Variants in RTL4 observed in about 807,000 individuals in gnomAD.
The protein encoded by RTL4 is retrotransposon Gag-like protein 4.
In RTL4, 4 loss-of-function variants were observed where a neutral mutation model predicts 5.3. That is an observed-to-expected ratio of 0.75 (90% CI 0.37 to 1.72). The LOEUF (loss-of-function observed/expected upper bound fraction) is 1.72, where lower values mean the gene tolerates loss of function less well. Ranked by LOEUF, RTL4 falls within the 40% of genes most tolerant of loss-of-function variation. RTL4 has a pLI of 0.04. For missense variants in RTL4, 260 were observed against 227.1 expected (o/e 1.14, Z -0.93); for synonymous variants, 98 against 87.3 (o/e 1.12, Z -0.68).
the RTL4 span, among the ~76,000 whole-genome samples, chrX:112,117,180 AATACACTATTTACCACATAATC>A: frequency 5.5e-5 from 6 of 108,788 alleles, no homozygotes; most frequent in African/African-American, 1.7e-4. Flanking sequence ...TTATATGGTA[AATACACTATTTACCACATAATC>A]GTTATATGGT....
the RTL4 span, among the ~76,000 whole-genome samples, chrX:112,352,488 C>G: frequency 8.4e-3 from 930 of 110,929 alleles, 10 homozygotes; most frequent in African/African-American, 0.026. Context: ...CAGAGATATA[C>G]ATCAATGGAA....
chrX:112,342,374 T>C, the RTL4 span, among the ~76,000 whole-genome samples: 1 of 111,645 alleles, frequency 9.0e-6, no homozygotes, highest in South Asian at 3.8e-4. Context: ...TCGTAGGCAC[T>C]GGAATTTTCA....
the RTL4 span, among the ~76,000 whole-genome samples, chrX:112,205,596 C>T: frequency 5.4e-5 from 6 of 110,137 alleles, no homozygotes; most frequent in South Asian, 1.9e-3. Flanking sequence ...CACAGATACA[C>T]GTGTGCATGT....
At chrX:112,380,150 A>AT in the RTL4 span, among the ~76,000 whole-genome samples, 10,086 of 100,015 alleles carry the variant, frequency 0.1, 483 homozygotes, top group Middle Eastern at 0.17. Context: ...ATGAAGATCA[A>AT]TTTTTTTTTT....
the RTL4 span, among the ~76,000 whole-genome samples, chrX:112,403,269 T>A: frequency 8.9e-6 from 1 of 112,103 alleles, no homozygotes; most frequent in Non-Finnish European, 1.9e-5. Flanking sequence ...ACAAAGCTGT[T>A]TGTTGTGCGT....
chrX:112,205,174 A>G, the RTL4 span, among the ~76,000 whole-genome samples: 1 of 110,440 alleles, frequency 9.1e-6, no homozygotes, highest in African/African-American at 3.4e-5. Context: ...CTGACATGAG[A>G]GGAAGAGGAT....
chrX:112,120,569 G>A, the RTL4 span, among the ~76,000 whole-genome samples: 2 of 101,803 alleles, frequency 2.0e-5, no homozygotes, highest in Non-Finnish European at 3.9e-5. Context: ...GAGCCACCAC[G>A]CCCGGCTGGG....
the RTL4 span, among the ~76,000 whole-genome samples, chrX:112,124,781 C>T: frequency 0.16 from 17,712 of 110,136 alleles, 2,158 homozygotes; most frequent in African/African-American, 0.42. Context: ...GTTCTGCGCA[C>T]GTATCCTGGA....
the RTL4 span, among the ~76,000 whole-genome samples, chrX:112,340,337 A>G: frequency 7.2e-5 from 8 of 111,389 alleles, no homozygotes; most frequent in African/African-American, 2.6e-4. Flanking sequence ...TAAGCAAACA[A>G]TGAACCCAGT....
the RTL4 span, among the ~76,000 whole-genome samples, chrX:112,293,535 A>T: frequency 8.9e-6 from 1 of 112,119 alleles, no homozygotes; most frequent in South Asian, 3.7e-4. Context: ...ATGGGGTAAC[A>T]GTTTTCCATG....
At chrX:112,226,325 CT>C in the RTL4 span, among the ~76,000 whole-genome samples, 1 of 112,183 alleles carries the variant, frequency 8.9e-6, no homozygotes, top group Non-Finnish European at 1.9e-5. Flanking sequence ...CAGCTACAAC[CT>C]GCTTTATGAA....
chrX:112,284,893 C>T, the RTL4 span, among the ~76,000 whole-genome samples: 2 of 111,688 alleles, frequency 1.8e-5, no homozygotes, highest in Non-Finnish European at 3.8e-5. Flanking sequence ...TAATCTGACA[C>T]TTTGTGCACT....
the RTL4 span, among the ~76,000 whole-genome samples, chrX:112,160,725 A>G: frequency 9.0e-6 from 1 of 111,035 alleles, no homozygotes; most frequent in Non-Finnish European, 1.9e-5. Flanking sequence ...CTGAATTAGA[A>G]GGTGGAGGGA....
chrX:112,363,952 G>A, the RTL4 span, among the ~76,000 whole-genome samples: 1 of 111,147 alleles, frequency 9.0e-6, no homozygotes, highest in Non-Finnish European at 1.9e-5. Flanking sequence ...TGATTAGGAA[G>A]GCTCTTTGCT....
the RTL4 span, among the ~76,000 whole-genome samples, chrX:112,303,771 A>T: frequency 1.9e-4 from 21 of 107,816 alleles, no homozygotes; most frequent in African/African-American, 7.3e-4. Context: ...AATAAAAAAA[A>T]TTAAAAAAAA....
chrX:112,300,545 A>C, the RTL4 span, among the ~76,000 whole-genome samples: 4 of 112,333 alleles, frequency 3.6e-5, no homozygotes, highest in Admixed American at 3.8e-4. Context: ...GAAACTGAGC[A>C]TGCATGTATA....
At chrX:112,162,831 G>A in the RTL4 span, among the ~76,000 whole-genome samples, 5 of 111,223 alleles carry the variant, frequency 4.5e-5, no homozygotes, top group Non-Finnish European at 7.5e-5. Context: ...CTGCTCCGGA[G>A]GATCCTAAGG....
chrX:112,109,900 G>A, the RTL4 span, among the ~76,000 whole-genome samples: 3 of 111,787 alleles, frequency 2.7e-5, no homozygotes, highest in African/African-American at 9.8e-5. Flanking sequence ...AGAGCCAGTG[G>A]GTTGGTCCAG....
the RTL4 span, among the ~76,000 whole-genome samples, chrX:112,171,356 G>A: frequency 8.9e-6 from 1 of 111,965 alleles, no homozygotes; most frequent in Non-Finnish European, 1.9e-5. Context: ...ACCTCTGAAT[G>A]AATACAGCTA....
Sources: gnomAD v4.1 joint callset for allele counts (sites outside exome capture counted in the v4.1 genomes callset) on GRCh38, gnomAD v4.1.1 for gene constraint, MANE v1.5 for transcripts, NCBI Gene and HGNC (gene_info 2026-07-23, HGNC 2026-07-21) for gene names.